Variants in GNL2 observed in about 807,000 individuals in gnomAD.
The protein encoded by GNL2 is nucleolar GTP-binding protein 2.
Under a neutral mutation model 92.3 loss-of-function variants are expected in GNL2, and 51 were observed. The observed-to-expected ratio is 0.55, with a 90% CI of 0.44 to 0.70. The LOEUF (loss-of-function observed/expected upper bound fraction) is 0.70. GNL2 is among the 30% of genes least tolerant of loss of function. The probability of loss-of-function intolerance (pLI) is 0.00; values close to 1 mark genes in which losing one functional copy is unlikely to be tolerated. For synonymous variants in GNL2, 283 were observed against 300.6 expected (o/e 0.94, Z 0.61); for missense variants, 844 against 895.6 (o/e 0.94, Z 0.74).
At chr1:37,578,313 C>T (rs557627340) in intron 8 of GNL2, among the ~76,000 whole-genome samples, 1 of 152,122 alleles carries the variant, frequency 6.6e-6, no homozygotes, top group East Asian at 1.9e-4. Flanking sequence ...GTGGTGCTTG[C>T]CTGTACTCCC....
chr1:37,567,756 T>C lies in GNL2; in HGVS notation c.1960A>G (p.Lys654Glu). The C allele has an allele frequency of 6.2e-7, 1 of 1,611,930 alleles. No homozygotes were observed. Among genetic ancestry groups the C allele is most frequent in the Non-Finnish European group, 8.5e-7 (1 of 1,178,018 alleles). The change falls in exon 15 of 16, where the codon AAA becomes GAA. Residue 654 changes from lysine to glutamate, a missense_variant. Physicochemically the swap from Lys to Glu is moderately conservative, Grantham distance 56 (BLOSUM62 1). Coordinates refer to ENST00000373062, the MANE Select transcript of GNL2 (RefSeq NM_013285.3). ...TGTGCCTTCCGCTTCTTTCCCTTTT[T>C]GGAAGGTGCTGGATACAAACAATAC... The part of the protein sequence containing the change: ...EEDVDDRAPS[K>E]KGKKRKAQRE...
intron 12 of GNL2, among the ~76,000 whole-genome samples, chr1:37,571,647 C>G (rs955528173): frequency 2.6e-5 from 4 of 152,206 alleles, no homozygotes; most frequent in African/African-American, 9.7e-5. Flanking sequence ...CCATCTCCTC[C>G]TTTGGTGACC....
intron 8 of GNL2, among the ~76,000 whole-genome samples, chr1:37,581,741 G>T (rs34998562): frequency 4.1e-4 from 61 of 150,528 alleles, no homozygotes; most frequent in African/African-American, 1.4e-3. Flanking sequence ...CTCGGCTCAC[G>T]GCAAACTCCG....
chr1:37,593,722 A>G, intron 2 of GNL2, 40 bp downstream of exon 2: 1 of 1,408,278 alleles, frequency 7.1e-7, no homozygotes, highest in Non-Finnish European at 1.0e-6. Flanking sequence ...AGTCAAGGGC[A>G]TGAAGGAAAA....
Position 37,576,475 on chromosome 1 carries a change from G to A in GNL2, c.991C>T (p.Arg331Cys), listed in dbSNP as rs890084417. Residue 331 changes from arginine (R) to cysteine (C), a missense_variant, in exon 9 of 16, where the codon CGT becomes TGT. Arg to Cys is a radical substitution (Grantham distance 180). Transcript: ENST00000373062. ...GCCACGTTGCAAACTTTCTTAGAAC[G>A]CAATGTATTTATCACAGAGCTCTTG... is the stretch of plus-strand genomic sequence containing the variant. ...VGKSSVINTL[R>C]SKKVCNVAPI... 9.9e-6 allele frequency: 16 copies of A among 1,613,624 alleles called. No individual in the cohort carries two copies. The highest frequency in any genetic ancestry group is 2.7e-5 in the African/African-American group (2 of 74,898).
chr1:37,580,111 C>T (rs903519843), intron 8 of GNL2, among the ~76,000 whole-genome samples: 1 of 152,058 alleles, frequency 6.6e-6, no homozygotes, highest in African/African-American at 2.4e-5. Context: ...AATTTTAGAA[C>T]AAGAGAAATT....
At chr1:37,584,673 T>C (rs1268343172) in intron 5 of GNL2, among the ~76,000 whole-genome samples, 1 of 152,008 alleles carries the variant, frequency 6.6e-6, no homozygotes, top group African/African-American at 2.4e-5. Context: ...GGACCGTTAG[T>C]GTTAAATGGG....
chr1:37,589,140 G>A (rs1231168609), intron 4 of GNL2, among the ~76,000 whole-genome samples: 1 of 152,206 alleles, frequency 6.6e-6, no homozygotes, highest in Non-Finnish European at 1.5e-5. Context: ...TGTGGTTCAT[G>A]AATTACACTC....
chr1:37,581,534 C>A (rs1448374101), intron 8 of GNL2: 3 of 456,096 alleles, frequency 6.6e-6, no homozygotes, highest in South Asian at 4.6e-5. Context: ...CGTGGAACGT[C>A]AGGTGCCAGG....
chr1:37,581,612 G>A (rs1418106790), intron 8 of GNL2: 1 of 440,356 alleles, frequency 2.3e-6, no homozygotes, highest in African/African-American at 2.0e-5. Context: ...AAACACTTCA[G>A]AATCTCTTAT....
chr1:37,590,188 T>C (rs575335836), intron 4 of GNL2, among the ~76,000 whole-genome samples: 1 of 152,232 alleles, frequency 6.6e-6, no homozygotes, highest in East Asian at 1.9e-4. Context: ...CTCACTGCAA[T>C]CTCTGCCTCC....
chr1:37,581,711 C>G (rs1215472169), intron 8 of GNL2, among the ~76,000 whole-genome samples: 1 of 152,234 alleles, frequency 6.6e-6, no homozygotes, highest in African/African-American at 2.4e-5. Context: ...GTCGCCCAGG[C>G]TGGGGTGCAG....
chr1:37,588,487 GGA>G (rs1259887985), intron 4 of GNL2, among the ~76,000 whole-genome samples: 1 of 152,034 alleles, frequency 6.6e-6, no homozygotes, highest in African/African-American at 2.4e-5. Flanking sequence ...GTTCCACTCG[GGA>G]GCATCTCCAA....
intron 5 of GNL2, among the ~76,000 whole-genome samples, chr1:37,585,388 A>G (rs529292821): frequency 3.7e-4 from 56 of 152,228 alleles, no homozygotes; most frequent in African/African-American, 1.3e-3. Context: ...TTTTACCACA[A>G]TAAAACATTA....
At position 37,595,837 on chromosome 1, in the gene GNL2, C is replaced by T. The variant is rs1387461585; in HGVS notation, c.-15G>A. On this transcript the variant is annotated 5_prime_UTR_variant, in exon 1 of 16. Transcript: ENST00000373062. ...GGCTTCACCATCTTGGCGACGAGAC[C>T]GGGACCGGAGTGCGAGGTCCGGCTT... 1.2e-6 allele frequency: 2 copies of T among 1,613,558 alleles called. No homozygotes were observed. Among genetic ancestry groups the T allele is most frequent in the Non-Finnish European group, 1.7e-6 (2 of 1,179,424 alleles).
At position 37,567,659 on chromosome 1, in the gene GNL2, C is replaced by G. The variant is rs777101213; in HGVS notation, c.2043+14G>C. On this transcript the variant is annotated intron_variant, in intron 15 of 15. Coordinates refer to ENST00000373062, the MANE Select transcript of GNL2 (RefSeq NM_013285.3). ...TACTCTACTTGGGCCATACTTAAAACCTATGACACTTACTTCTTTTGATGT... is the reference window on the plus strand; with the variant it reads ...TACTCTACTTGGGCCATACTTAAAAGCTATGACACTTACTTCTTTTGATGT... 6.4e-6 allele frequency: 10 copies of G among 1,560,994 alleles called. No homozygotes were observed. Among genetic ancestry groups the G allele is most frequent in the Admixed American group, 5.0e-5 (3 of 59,912 alleles).
At position 37,578,716 on chromosome 1, in the gene GNL2, C is replaced by T. The variant is rs985809696; in HGVS notation, c.910-2160G>A. ...GGAACCATAAGTGTGCACCACTATG[C>T]CTTGCTAATTTTTTTCTATCTTTTG... On this transcript the variant is annotated intron_variant, in intron 8 of 15. Coordinates refer to ENST00000373062, the MANE Select transcript of GNL2 (RefSeq NM_013285.3). Among the ~76,000 whole-genome samples, 3 of 152,040 alleles carry T rather than the reference C, an allele frequency of 2.0e-5. No homozygotes were observed. In the South Asian group the frequency reaches 6.2e-4, roughly 32 times the overall value.
At chr1:37,581,627 C>A in intron 8 of GNL2, 3 of 405,078 alleles carry the variant, frequency 7.4e-6, no homozygotes, top group South Asian at 5.2e-5. Flanking sequence ...TCTTATAATC[C>A]TGATGCTCTG....
At chr1:37,572,634 T>C (rs866650869) in intron 12 of GNL2, among the ~76,000 whole-genome samples, 7 of 152,188 alleles carry the variant, frequency 4.6e-5, no homozygotes, top group African/African-American at 1.4e-4. Context: ...CTCTCCCCCA[T>C]ACCTTACCCT....
Sources: allele counts gnomAD v4.1 joint callset (sites outside exome capture counted in the v4.1 genomes callset), GRCh38; gene constraint gnomAD v4.1.1; transcripts MANE v1.5; gene names NCBI Gene and HGNC (gene_info 2026-07-23, HGNC 2026-07-21).